The following GALNTL6 variants were observed in gnomAD, a reference collection of about 807,000 sequenced individuals.
GALNTL6 encodes the protein polypeptide N-acetylgalactosaminyltransferase-like 6.
Under a neutral mutation model 73.7 loss-of-function variants are expected in GALNTL6, and 46 were observed. The ratio of observed to expected loss-of-function variants is 0.62; its 90% CI spans 0.49 to 0.80. The LOEUF is 0.80. Among genes scored for constraint, GALNTL6 ranks in the 30% least tolerant of loss-of-function variants. GALNTL6 has a pLI of 0.00. For synonymous variants in GALNTL6, 259 were observed against 263.7 expected (o/e 0.98, Z 0.17); for missense variants, 604 against 755.0 (o/e 0.80, Z 2.34).
rs144162465 is a variant in GALNTL6 at position 172,480,922 on chromosome 4, C to T, written c.553+132233C>T. On this transcript the variant is annotated intron_variant, in intron 5 of 12. Coordinates refer to ENST00000506823, the MANE Select transcript of GALNTL6 (RefSeq NM_001034845.3). ...AAAAAGGATCAAAGCACACAATGCC[C>T]CTTGGGCCTGGACTCTCGGAAGTGG... Among the ~76,000 whole-genome samples, 347 of 152,242 alleles carry T rather than the reference C, an allele frequency of 2.3e-3. 2 individuals carry two copies. The highest frequency in any genetic ancestry group is 8.1e-3 in the African/African-American group (337 of 41,550).
In GALNTL6 at chr4:171,817,924, A is replaced by T. The variant is rs184114210; in HGVS notation, c.138+3206A>T. 5.1e-3 allele frequency among the ~76,000 whole-genome samples: 771 copies of T among 151,574 alleles called. 4 individuals carry two copies. The highest frequency in any genetic ancestry group is 9.4e-3 in the Admixed American group (143 of 15,266). On this transcript the variant is annotated intron_variant, in intron 2 of 12. Transcript: ENST00000506823. ...ATTATATTTTTAAATTTTTATTTAG[A>T]TGTTACATTATTATAATTGTGATGT...
At chr4:172,254,718 G>A (rs187573476) in intron 3 of GALNTL6, among the ~76,000 whole-genome samples, 6 of 151,792 alleles carry the variant, frequency 4.0e-5, no homozygotes, top group Admixed American at 3.9e-4. Context: ...ATTTTAGAGT[G>A]TACTGGTTTT....
intron 2 of GALNTL6, among the ~76,000 whole-genome samples, chr4:171,997,944 C>A (rs572498322): frequency 2.0e-5 from 3 of 152,060 alleles, no homozygotes; most frequent in Admixed American, 1.3e-4. Context: ...CTCAGTGGTG[C>A]CTCTTACTCT....
chr4:172,755,990 G>A (rs1737727053), intron 5 of GALNTL6, among the ~76,000 whole-genome samples: 1 of 152,092 alleles, frequency 6.6e-6, no homozygotes, highest in South Asian at 2.1e-4. Context: ...GAAAGCAAAA[G>A]GATTTATAAT....
In GALNTL6 at chr4:172,071,644, GT is replaced by G. The variant is rs1337473526; in HGVS notation, c.139-158009del. Among the ~76,000 whole-genome samples the G allele has an allele frequency of 1.8e-5, 2 of 110,122 alleles. 1 individual carries two copies. 72.2% of individuals were successfully genotyped at this position (110,122 alleles called of 152,430 possible). A position where few individuals can be genotyped will look rare whatever the true frequency, so the allele number is the denominator to read the frequency against. On this transcript the variant is annotated intron_variant, in intron 2 of 12. Transcript: ENST00000506823. The stretch of plus-strand genomic sequence containing the variant: ...AGCCCATCAATGCATTTAAGGTAGT[GT>G]TTGTTGTATATAAATAAATTCAATT...
At chr4:172,328,120 G>T (rs1409752320) in intron 4 of GALNTL6, among the ~76,000 whole-genome samples, 1 of 152,060 alleles carries the variant, frequency 6.6e-6, no homozygotes, top group Non-Finnish European at 1.5e-5. Context: ...GCTGAAAAAT[G>T]ATCTCATTTC....
chr4:172,863,705 G>A (rs1313292202), intron 7 of GALNTL6, among the ~76,000 whole-genome samples: 1 of 152,170 alleles, frequency 6.6e-6, no homozygotes, highest in Non-Finnish European at 1.5e-5. Flanking sequence ...TTGAGTTAAT[G>A]CTGTGAACTG....
intron 7 of GALNTL6, among the ~76,000 whole-genome samples, chr4:172,865,540 C>T (rs567512336): frequency 1.9e-4 from 29 of 152,204 alleles, no homozygotes; most frequent in African/African-American, 5.1e-4. Context: ...TAATATTAGA[C>T]GTTTGATTAA....
intron 2 of GALNTL6, among the ~76,000 whole-genome samples, chr4:172,173,563 G>A (rs1734901976): frequency 6.6e-6 from 1 of 152,140 alleles, no homozygotes; most frequent in Admixed American, 6.5e-5. Context: ...AAAAATAGTA[G>A]CTATGAATCT....
intron 5 of GALNTL6, among the ~76,000 whole-genome samples, chr4:172,528,891 A>G (rs1010556427): frequency 7.0e-6 from 1 of 143,094 alleles, no homozygotes; most frequent in African/African-American, 2.5e-5. Context: ...TCCTGTACAT[A>G]TTCTCTTATT....
chr4:172,351,021 G>T (rs116112589), intron 5 of GALNTL6, among the ~76,000 whole-genome samples: 1 of 152,086 alleles, frequency 6.6e-6, no homozygotes, highest in Non-Finnish European at 1.5e-5. Flanking sequence ...ATGGAGGGCC[G>T]CCATGGATGT....
chr4:172,375,151 G>A (rs1461133493), intron 5 of GALNTL6, among the ~76,000 whole-genome samples: 1 of 152,168 alleles, frequency 6.6e-6, no homozygotes, highest in Non-Finnish European at 1.5e-5. Context: ...TAAGCTGAGA[G>A]GTCCTCCTGT....
intron 2 of GALNTL6, among the ~76,000 whole-genome samples, chr4:171,850,211 AT>A (rs1258263118): frequency 2.0e-5 from 3 of 152,298 alleles, no homozygotes; most frequent in African/African-American, 7.2e-5. Flanking sequence ...ACCTCAAGTG[AT>A]CTGCCCACCC....
intron 2 of GALNTL6, among the ~76,000 whole-genome samples, chr4:172,042,344 C>T (rs935149939): frequency 6.6e-6 from 1 of 151,900 alleles, no homozygotes; most frequent in African/African-American, 2.4e-5. Context: ...AGATACTGAC[C>T]TTGATGTTTC....
intron 5 of GALNTL6, among the ~76,000 whole-genome samples, chr4:172,634,095 A>T (rs964524805): frequency 3.3e-5 from 5 of 152,000 alleles, no homozygotes; most frequent in African/African-American, 1.2e-4. Flanking sequence ...TAACCACCAC[A>T]CTCCATATTC....
intron 2 of GALNTL6, among the ~76,000 whole-genome samples, chr4:171,971,185 G>GA (rs1739558207): frequency 6.6e-6 from 1 of 152,264 alleles, no homozygotes. Context: ...TTGTATTTGA[G>GA]AAAAAATGAA....
At chr4:172,886,379 G>C (rs534015651) in intron 8 of GALNTL6, among the ~76,000 whole-genome samples, 1 of 151,974 alleles carries the variant, frequency 6.6e-6, no homozygotes, top group East Asian at 1.9e-4. Context: ...GGTCTCAGTT[G>C]TTGTGTCTCC....
chr4:172,485,153 A>G (rs1237721953), intron 5 of GALNTL6, among the ~76,000 whole-genome samples: 1 of 152,108 alleles, frequency 6.6e-6, no homozygotes, highest in Non-Finnish European at 1.5e-5. Context: ...TCTACTTAAA[A>G]CAATGAGGAT....
intron 3 of GALNTL6, among the ~76,000 whole-genome samples, chr4:172,238,607 A>T (rs1256907324): frequency 1.3e-5 from 2 of 150,748 alleles, no homozygotes; most frequent in African/African-American, 2.4e-5. Flanking sequence ...CTCTTGCCCA[A>T]TTGCTCTGAC....
Sources: gnomAD v4.1 joint callset for allele counts (sites outside exome capture counted in the v4.1 genomes callset) on GRCh38, gnomAD v4.1.1 for gene constraint, MANE v1.5 for transcripts, NCBI Gene and HGNC (gene_info 2026-07-23, HGNC 2026-07-21) for gene names.